Variants in RIPOR3 observed in about 807,000 individuals in gnomAD.
The protein encoded by RIPOR3 is family with sequence similarity 65 member C.
Under a neutral mutation model 114.3 loss-of-function variants are expected in RIPOR3, and 95 were observed. The ratio of observed to expected loss-of-function variants is 0.83; its 90% CI spans 0.70 to 0.99. RIPOR3 has a LOEUF of 0.99. RIPOR3 is among the 50% of genes least tolerant of loss of function. RIPOR3 has a pLI of 0.00. For missense variants in RIPOR3, 1,252 were observed against 1,266.9 expected, an observed-to-expected ratio of 0.99 and a Z score of 0.18; for synonymous variants, 575 against 543.8, an observed-to-expected ratio of 1.06 and a Z score of -0.80.
At position 50,627,539 on chromosome 20, in the gene RIPOR3, C is replaced by T. The variant is rs527494161; in HGVS notation, c.122+3199G>A. 3.1e-3 allele frequency among the ~76,000 whole-genome samples: 463 copies of T among 149,460 alleles called. 35 individuals carry two copies. The highest frequency in any genetic ancestry group is 0.011 in the African/African-American group (436 of 39,492). The stretch of plus-strand genomic sequence containing the variant: ...GAAAAAAAAAAATACAAAAATTAGC[C>T]GGGCGTGGTGGCACGCTCCTGTAAT... On this transcript the variant is annotated intron_variant, in intron 2 of 21. Transcript: ENST00000327979.
chr20:50,666,981 G>A (rs564801722), intron 1 of RIPOR3, among the ~76,000 whole-genome samples: 30 of 152,270 alleles, frequency 2.0e-4, no homozygotes, highest in Non-Finnish European at 4.0e-4. Flanking sequence ...GAGTAAAAAA[G>A]CGGGCGAGGT....
At chr20:50,588,766 AAAG>A (rs2083007571) in intron 20 of RIPOR3, among the ~76,000 whole-genome samples, 1 of 150,716 alleles carries the variant, frequency 6.6e-6, no homozygotes, top group Admixed American at 6.6e-5. Flanking sequence ...AAAAAAAAAA[AAAG>A]AAAAAAAACA....
rs1421851124 is a variant in RIPOR3, at chr20:50,586,374, A to G, written c.*858T>C. The G allele has an allele frequency of 6.6e-6, 1 of 152,250 alleles. No homozygotes were observed. The allele number at this position is 152,250 out of a possible 1,614,324, so 9.4% of individuals were successfully genotyped here. A position where few individuals can be genotyped will look rare whatever the true frequency, so the allele number is the denominator to read the frequency against. On this transcript the variant is annotated 3_prime_UTR_variant, in exon 22 of 22. Transcript: ENST00000327979. ...AGGAAACTAATTTTTCTTTCTTTAA[A>G]GCAATTGCGTTCTTCAGTGAACTCT...
At position 50,586,207 on chromosome 20, in the gene RIPOR3, A is replaced by G. The variant is rs1382078724; in HGVS notation, c.*1025T>C. 1.9e-5 allele frequency: 3 copies of G among 159,116 alleles called. No individual in the cohort carries two copies. Among genetic ancestry groups the G allele is most frequent in the South Asian group, 1.7e-4 (1 of 5,766 alleles). The allele number at this position is 159,116 out of a possible 1,614,324, so 9.9% of individuals were successfully genotyped here. The stretch of plus-strand genomic sequence containing the variant: ...ATACTAAGTAAGTTAAAAACACAAA[A>G]TATGTCCAGGAAGTATCGATGAGAA... On this transcript the variant is annotated 3_prime_UTR_variant, in exon 22 of 22. Transcript: ENST00000327979.
chr20:50,631,063 C>T (rs955815748), intron 1 of RIPOR3, among the ~76,000 whole-genome samples: 3 of 152,262 alleles, frequency 2.0e-5, no homozygotes, highest in African/African-American at 4.8e-5. Flanking sequence ...GAATGGAATT[C>T]GAACCCAGGT....
intron 16 of RIPOR3, 150 bp from the exon 17 acceptor site, chr20:50,594,864 A>G: frequency 1.2e-6 from 1 of 831,090 alleles, no homozygotes; most frequent in Non-Finnish European, 1.8e-6. Context: ...TTCCCATGTG[A>G]CACGTGAGCA....
chr20:50,592,218 A>G, intron 19 of RIPOR3, 126 bp downstream of exon 19: 2 of 987,352 alleles, frequency 2.0e-6, no homozygotes, highest in Non-Finnish European at 2.8e-6. Flanking sequence ...AGGTCCCTCC[A>G]TCAAAATAGC....
At chr20:50,616,364 C>G (rs2084173105) in intron 3 of RIPOR3, among the ~76,000 whole-genome samples, 1 of 152,096 alleles carries the variant, frequency 6.6e-6, no homozygotes, top group African/African-American at 2.4e-5. Flanking sequence ...TTGTTTGAGA[C>G]AAGGTCCCCC....
chr20:50,598,590 G>A (rs2083384751), intron 13 of RIPOR3, among the ~76,000 whole-genome samples: 1 of 152,176 alleles, frequency 6.6e-6, no homozygotes, highest in African/African-American at 2.4e-5. Context: ...AGGCATACAT[G>A]TGTATGTAAG....
intron 11 of RIPOR3, among the ~76,000 whole-genome samples, chr20:50,605,653 T>C (rs561418252): frequency 1.3e-5 from 2 of 151,880 alleles, no homozygotes; most frequent in South Asian, 2.1e-4. Flanking sequence ...CAACAGACAC[T>C]TGTAGTCCCA....
chr20:50,658,581 G>A (rs949911912), intron 1 of RIPOR3, among the ~76,000 whole-genome samples: 1 of 151,972 alleles, frequency 6.6e-6, no homozygotes, highest in Non-Finnish European at 1.5e-5. Flanking sequence ...AGGTGTGGTG[G>A]TATATGCCTA....
chr20:50,617,086 G>A (rs1270071637), intron 3 of RIPOR3, among the ~76,000 whole-genome samples: 1 of 152,154 alleles, frequency 6.6e-6, no homozygotes, highest in Non-Finnish European at 1.5e-5. Context: ...AGGTTGCAGT[G>A]AGCCGAGATT....
intron 2 of RIPOR3, among the ~76,000 whole-genome samples, chr20:50,628,185 G>A (rs1600624395): frequency 6.6e-6 from 1 of 152,208 alleles, no homozygotes; most frequent in Non-Finnish European, 1.5e-5. Context: ...AGTGCCTGCT[G>A]TGTGCCTTTC....
intron 17 of RIPOR3, among the ~76,000 whole-genome samples, 174 bp downstream of exon 17, chr20:50,594,379 C>T (rs1465490991): frequency 1.3e-5 from 2 of 152,138 alleles, no homozygotes; most frequent in South Asian, 2.1e-4. Context: ...CCTTCTCGCC[C>T]GGTGAAAGGG....
rs1240716907 is a variant in RIPOR3, at chr20:50,677,274, A to C, written c.3+13852T>G. On this transcript the variant is annotated intron_variant, in intron 1 of 21. Coordinates refer to ENST00000327979, the MANE Select transcript of RIPOR3 (RefSeq NM_001290268.2). ...CCAGCTTATATTTCTTGTGCCAGAC[A>C]CAGGGTCCAAACCCATTTGCATTAC... Among the ~76,000 whole-genome samples the C allele has an allele frequency of 1.3e-5, 2 of 152,146 alleles. 1 individual carries two copies. The highest frequency in any genetic ancestry group is 4.1e-4 in the South Asian group (2 of 4,826).
At chr20:50,679,165 C>CAGAG (rs60291395) in intron 1 of RIPOR3, among the ~76,000 whole-genome samples, 2,442 of 108,472 alleles carry the variant, frequency 0.023, 77 homozygotes, top group East Asian at 0.055. Flanking sequence ...CACACACACA[C>CAGAG]AGAGAGAGAG....
chr20:50,621,022 G>A, intron 2 of RIPOR3: 3 of 484,738 alleles, frequency 6.2e-6, no homozygotes, highest in Non-Finnish European at 1.2e-5. Context: ...GGAAGCAGGA[G>A]GAGCCGAGCC....
intron 2 of RIPOR3, 123 bp downstream of exon 2, chr20:50,630,615 G>T (rs967127335): frequency 1.4e-6 from 1 of 726,238 alleles, no homozygotes; most frequent in Non-Finnish European, 2.3e-6. Context: ...CTCTCGGGCT[G>T]CAAGCCGGCC....
rs368826062 is a variant in RIPOR3, at chr20:50,595,464, C to T, written c.1955G>A (p.Cys652Tyr). 1 of 1,614,064 alleles carries T rather than the reference C, an allele frequency of 6.2e-7. No individual in the cohort carries two copies. Among genetic ancestry groups the T allele is most frequent in the African/African-American group, 1.3e-5 (1 of 74,948 alleles). Residue 652 changes from cysteine (C) to tyrosine (Y), a missense_variant, in exon 16 of 22, where the codon TGC (cysteine) becomes TAC (tyrosine). Physicochemically the swap from Cys to Tyr is radical, Grantham distance 194. Coordinates refer to ENST00000327979, the MANE Select transcript of RIPOR3 (RefSeq NM_001290268.2). ...SPNLSRLVQE[C>Y]LLEEVAQQKH... is the part of the protein sequence containing the mutation. ...TTGCTGTGCCACTTCTTCCAGGAGG[C>T]ATTCCTGGACCAGCCTTGATAAATT...
Sources: gnomAD v4.1 joint callset for allele counts (sites outside exome capture counted in the v4.1 genomes callset) on GRCh38, gnomAD v4.1.1 for gene constraint, MANE v1.5 for transcripts, NCBI Gene and HGNC (gene_info 2026-07-23, HGNC 2026-07-21) for gene names.